COG2: variants seen among roughly 807,000 people sequenced by gnomAD.
COG2 encodes component of oligomeric golgi complex 2, also known as conserved oligomeric Golgi complex subunit 2.
COG2 carries 52 observed loss-of-function variants against 90.6 expected under a neutral mutation model. The ratio of observed to expected loss-of-function variants is 0.57; its 90% CI spans 0.46 to 0.72. The LOEUF is 0.72. Ranked by LOEUF, COG2 falls within the 30% of genes least tolerant of loss-of-function variation. The probability of loss-of-function intolerance (pLI) is 0.00; values close to 1 mark genes in which losing one functional copy is unlikely to be tolerated. For missense variants in COG2, 829 were observed against 891.2 expected, an observed-to-expected ratio of 0.93 and a Z score of 0.89; for synonymous variants, 337 against 320.4, an observed-to-expected ratio of 1.05 and a Z score of -0.55.
chr1:230,678,647 A>G, intron 9 of COG2: 1 of 1,385,912 alleles, frequency 7.2e-7, no homozygotes, highest in Non-Finnish European at 9.5e-7. Flanking sequence ...GAGCACTGCC[A>G]TTTAAAGAGC....
Position 230,660,775 on chromosome 1 carries a change from C to T in COG2, c.252C>T (p.Ala84=), listed in dbSNP as rs779456491. The T allele has an allele frequency of 6.3e-6, 10 of 1,587,082 alleles. No individual in the cohort carries two copies. The highest frequency in any genetic ancestry group is 8.6e-6 in the Non-Finnish European group (10 of 1,168,632). The change falls in exon 3 of 18, where the codon GCC becomes GCT. Residue 84 remains alanine, a synonymous_variant. Transcript: ENST00000366669. ...LSTNLVGMDK[A]LNQLSVPLGQ... ...GCCTTTAGGTTGGCATGGACAAAGC[C>T]CTCAACCAGCTTTCTGTGCCTTTGG...
At chr1:230,679,902 G>A (rs1662697399) in intron 10 of COG2, 1 of 152,172 alleles carries the variant, frequency 6.6e-6, no homozygotes, top group South Asian at 2.1e-4. Context: ...TACAGAGAGG[G>A]AAATCAAGAA....
At chr1:230,678,398 T>C (rs1246072607) in intron 9 of COG2, 26 of 985,368 alleles carry the variant, frequency 2.6e-5, no homozygotes, top group Non-Finnish European at 3.1e-5. Context: ...GTGTCGATGA[T>C]AAATGCTACG....
chr1:230,643,779 G>A (rs761002443), intron 1 of COG2, among the ~76,000 whole-genome samples: 2 of 151,982 alleles, frequency 1.3e-5, no homozygotes, highest in Non-Finnish European at 2.9e-5. Context: ...TTAGACCACT[G>A]TACTAAAAGG....
In COG2 at chr1:230,691,427, A is replaced by T; in HGVS notation, c.1978A>T (p.Met660Leu). 5 of 1,614,116 alleles carry T rather than the reference A, an allele frequency of 3.1e-6. No homozygotes were observed. The highest frequency in any genetic ancestry group is 4.2e-6 in the Non-Finnish European group (5 of 1,180,020). Residue 660 changes from methionine (M) to leucine (L), a missense_variant, in exon 17 of 18, where the codon ATG becomes TTG. Met to Leu is a conservative substitution (Grantham distance 15). Transcript: ENST00000366669. ...VSDVLNSVKK[M>L]EESLKRLKQA... ...AGATGTATTAAACTCTGTGAAGAAGATGGAAGAGAGCCTGAAAAGGCTGAA... is the reference window on the plus strand; with the variant it reads ...AGATGTATTAAACTCTGTGAAGAAGTTGGAAGAGAGCCTGAAAAGGCTGAA...
At chr1:230,666,235 T>G (rs1218611655) in intron 5 of COG2, among the ~76,000 whole-genome samples, 2 of 152,164 alleles carry the variant, frequency 1.3e-5, no homozygotes, top group Admixed American at 1.3e-4. Context: ...TTATTCCTTG[T>G]CTTAGGAAAC....
Position 230,664,605 on chromosome 1 carries a change from A to T in COG2, c.485+18A>T, listed in dbSNP as rs1301645282. On this transcript the variant is annotated intron_variant, in intron 5 of 17. Coordinates refer to ENST00000366669, the MANE Select transcript of COG2 (RefSeq NM_007357.3). ...GCAAGCAGGTAAGTATTTTTTATTA[A>T]ATAACTCGTAAATTAATACTTCACA... 5 of 1,250,676 alleles carry T rather than the reference A, an allele frequency of 4.0e-6. No homozygotes were observed. The highest frequency in any genetic ancestry group is 5.7e-6 in the Non-Finnish European group (5 of 883,706). The allele number at this position is 1,250,676 out of a possible 1,614,324, so 77.5% of individuals were successfully genotyped here.
intron 1 of COG2, among the ~76,000 whole-genome samples, chr1:230,645,233 CAAAA>C (rs57806034): frequency 4.4e-5 from 4 of 91,030 alleles, no homozygotes; most frequent in Admixed American, 1.3e-4. Flanking sequence ...GAGACCCTGT[CAAAA>C]AAAAAAAAAA....
chr1:230,674,978 T>C lies in COG2; in HGVS notation c.900-20T>C, dbSNP rs1662548132. 5.7e-6 allele frequency: 9 copies of C among 1,592,436 alleles called. No individual in the cohort carries two copies. Among genetic ancestry groups the C allele is most frequent in the South Asian group, 1.2e-5 (1 of 86,788 alleles). On this transcript the variant is annotated intron_variant, in intron 8 of 17. Coordinates refer to ENST00000366669, the MANE Select transcript of COG2 (RefSeq NM_007357.3). ...AGTAGATTATGGTATATTTTACTGA[T>C]ATGTGCCCTTATTTTACAGTGAAAA...
At chr1:230,657,537 A>G (rs1196969454) in intron 1 of COG2, among the ~76,000 whole-genome samples, 1 of 152,008 alleles carries the variant, frequency 6.6e-6, no homozygotes, top group Non-Finnish European at 1.5e-5. Context: ...TCTGATGATT[A>G]TGTGTCTTGG....
At chr1:230,648,075 T>C (rs772800421) in intron 1 of COG2, among the ~76,000 whole-genome samples, 1 of 152,240 alleles carries the variant, frequency 6.6e-6, no homozygotes. Flanking sequence ...CATGCTTTCC[T>C]TTCTAGATGG....
chr1:230,686,308 G>A (rs1662882763), intron 12 of COG2, among the ~76,000 whole-genome samples: 5 of 152,184 alleles, frequency 3.3e-5, no homozygotes, highest in African/African-American at 7.2e-5. Context: ...GAAGACCACT[G>A]TATGATTCCC....
At chr1:230,643,644 T>G (rs1288505674) in intron 1 of COG2, among the ~76,000 whole-genome samples, 1 of 152,170 alleles carries the variant, frequency 6.6e-6, no homozygotes, top group Non-Finnish European at 1.5e-5. Flanking sequence ...TCAGATTACA[T>G]CTCCAAAGCT....
At chr1:230,644,797 G>A (rs1661719398) in intron 1 of COG2, among the ~76,000 whole-genome samples, 1 of 152,166 alleles carries the variant, frequency 6.6e-6, no homozygotes, top group African/African-American at 2.4e-5. Context: ...GTTACAGTCA[G>A]GTTAAAAGCA....
chr1:230,678,612 G>C (rs1662656079), intron 9 of COG2: 1 of 1,315,638 alleles, frequency 7.6e-7, no homozygotes. Flanking sequence ...ATTCCAGTGG[G>C]CTGGGGTAGG....
At chr1:230,681,920 A>C (rs1248658118) in intron 10 of COG2, 3 of 152,218 alleles carry the variant, frequency 2.0e-5, no homozygotes, top group Non-Finnish European at 4.4e-5. Flanking sequence ...GTCTCTGTGA[A>C]GTGCAGGGAT....
chr1:230,679,100 A>G lies in COG2; in HGVS notation c.1166+48A>G, dbSNP rs768478383. On this transcript the variant is annotated intron_variant, in intron 10 of 17. Transcript: ENST00000366669. ...CCGCCCCGCACCCTTCTAAAACAGA[A>G]TTGGAATGCCAGTTAAGGATGTTGC... is the stretch of plus-strand genomic sequence containing the variant. 3.9e-6 allele frequency: 6 copies of G among 1,552,220 alleles called. No individual in the cohort carries two copies. In the South Asian group the frequency reaches 4.8e-5, roughly 12 times the overall value.
chr1:230,656,261 TC>T (rs1348220537), intron 1 of COG2, among the ~76,000 whole-genome samples: 2 of 152,226 alleles, frequency 1.3e-5, no homozygotes, highest in Non-Finnish European at 2.9e-5. Flanking sequence ...TAAAGTTCCC[TC>T]TACACACTCC....
chr1:230,692,378 GACAC>G (rs1663051590), intron 17 of COG2, among the ~76,000 whole-genome samples: 1 of 150,844 alleles, frequency 6.6e-6, no homozygotes, highest in African/African-American at 2.4e-5. Flanking sequence ...GTCAAAACAA[GACAC>G]TTGATTTTCT....
Sources: gnomAD v4.1 joint callset for allele counts (sites outside exome capture counted in the v4.1 genomes callset) on GRCh38, gnomAD v4.1.1 for gene constraint, MANE v1.5 for transcripts, NCBI Gene and HGNC (gene_info 2026-07-23, HGNC 2026-07-21) for gene names.